Variants in DNAI4 observed in about 807,000 individuals in gnomAD.
DNAI4 encodes the protein dynein axonemal intermediate chain 4.
Under a neutral mutation model 105.8 loss-of-function variants are expected in DNAI4, and 85 were observed. That is an observed-to-expected ratio of 0.80 (90% confidence interval 0.67 to 0.96). The LOEUF is 0.96. Among genes scored for constraint, DNAI4 ranks in the 40% least tolerant of loss-of-function variants. The pLI is 0.00. For missense variants in DNAI4, 1,014 were observed against 1,005.6 expected, an observed-to-expected ratio of 1.01 and a Z score of -0.11; for synonymous variants, 352 against 331.5, an observed-to-expected ratio of 1.06 and a Z score of -0.67.
rs535328757 is a variant in DNAI4, at chr1:66,854,845, A to T, written c.1097-7167T>A. Among the ~76,000 whole-genome samples the T allele has an allele frequency of 2.0e-5, 3 of 152,292 alleles. No homozygotes were observed. The South Asian group carries it at 6.2e-4, about 32-fold the overall frequency. On this transcript the variant is annotated intron_variant, in intron 7 of 16. Coordinates refer to ENST00000371026, the MANE Select transcript of DNAI4 (RefSeq NM_024763.5). ...TAAAAATAAAAATTAAAAAAGTTCA[A>T]AGATCTAAATAAATGAGATCTAAAT...
At chr1:66,845,217 T>TAAAAAAAAAAA (rs869249698) in intron 8 of DNAI4, among the ~76,000 whole-genome samples, 2 of 38,100 alleles carry the variant, frequency 5.2e-5, no homozygotes, top group East Asian at 5.7e-4. Flanking sequence ...AAAGAAAAAT[T>TAAAAAAAAAAA]AAAAAAAAAA....
chr1:66,861,178 C>T (rs1646617733), intron 7 of DNAI4, among the ~76,000 whole-genome samples: 1 of 152,132 alleles, frequency 6.6e-6, no homozygotes, highest in African/African-American at 2.4e-5. Context: ...TCTCTTTAAA[C>T]TTGTTATTTC....
At chr1:66,922,374 T>C (rs1215111051) in intron 1 of DNAI4, among the ~76,000 whole-genome samples, 1 of 152,046 alleles carries the variant, frequency 6.6e-6, no homozygotes, top group African/African-American at 2.4e-5. Flanking sequence ...GGGGGCACAA[T>C]ATTCCAAAAA....
At chr1:66,855,038 C>T (rs998939369) in intron 7 of DNAI4, among the ~76,000 whole-genome samples, 2 of 152,164 alleles carry the variant, frequency 1.3e-5, no homozygotes, top group African/African-American at 4.8e-5. Flanking sequence ...CACCTGATAG[C>T]ATACCTTCCA....
intron 8 of DNAI4, among the ~76,000 whole-genome samples, chr1:66,845,389 T>A (rs1235502099): frequency 6.6e-6 from 1 of 152,134 alleles, no homozygotes; most frequent in Non-Finnish European, 1.5e-5. Flanking sequence ...GTGGAGCAAC[T>A]GAGACTCTTA....
chr1:66,845,839 C>CGTGTG (rs1646263530), intron 8 of DNAI4, among the ~76,000 whole-genome samples: 1 of 115,290 alleles, frequency 8.7e-6, no homozygotes, highest in East Asian at 2.9e-4. Flanking sequence ...CAGAGCAATG[C>CGTGTG]GTGTGTGTGT....
intron 1 of DNAI4, among the ~76,000 whole-genome samples, chr1:66,922,816 T>C (rs1186576466): frequency 2.0e-5 from 3 of 152,212 alleles, no homozygotes; most frequent in African/African-American, 7.2e-5. Flanking sequence ...AAATATTATA[T>C]ATTTGGTTTG....
At chr1:66,876,797 G>C (rs1053599359) in intron 4 of DNAI4, among the ~76,000 whole-genome samples, 1 of 151,550 alleles carries the variant, frequency 6.6e-6, no homozygotes, top group Admixed American at 6.6e-5. Flanking sequence ...TGCTCCTCTT[G>C]ACTGCCAATG....
intron 6 of DNAI4, among the ~76,000 whole-genome samples, chr1:66,869,116 A>AATATAT (rs150114253): frequency 8.2e-5 from 12 of 145,706 alleles, no homozygotes; most frequent in African/African-American, 2.6e-4. Flanking sequence ...CCTAGATATG[A>AATATAT]ATATATATAT....
intron 9 of DNAI4, among the ~76,000 whole-genome samples, chr1:66,838,758 T>TTG: frequency 6.6e-6 from 1 of 152,238 alleles, no homozygotes; most frequent in Non-Finnish European, 1.5e-5. Flanking sequence ...GACATTGACA[T>TTG]ATCCCTATTT....
At chr1:66,872,643 G>A (rs921719201) in intron 5 of DNAI4, among the ~76,000 whole-genome samples, 9 of 151,994 alleles carry the variant, frequency 5.9e-5, no homozygotes, top group Non-Finnish European at 1.0e-4. Flanking sequence ...TGTAGGTGAC[G>A]TGTTTTTAAA....
chr1:66,890,940 A>G lies in DNAI4; in HGVS notation c.643+214T>C. 1.8e-6 allele frequency: 1 copy of G among 567,530 alleles called. No homozygotes were observed. Among genetic ancestry groups the G allele is most frequent in the Non-Finnish European group, 3.1e-6 (1 of 318,894 alleles). The allele number at this position is 567,530 out of a possible 1,614,324, so 35.2% of individuals were successfully genotyped here. On this transcript the variant is annotated intron_variant, in intron 4 of 16. Coordinates refer to ENST00000371026, the MANE Select transcript of DNAI4 (RefSeq NM_024763.5). This position sits in a 1 kb window ranked among gnomAD's most constrained non-coding sequence, Gnocchi z 4.1. ...GAAGCAGCAGCTGAGCTCTAACACA[A>G]AGCGCCATTGGTTCCTCAGGCTGAT...
chr1:66,891,309 CT>C, intron 3 of DNAI4, 43 bp from the exon 4 acceptor site: 1 of 1,376,408 alleles, frequency 7.3e-7, no homozygotes. Context: ...TTTAGATGTC[CT>C]TATAGGAAAC....
At chr1:66,905,678 C>G (rs1649186300) in intron 1 of DNAI4, among the ~76,000 whole-genome samples, 1 of 152,104 alleles carries the variant, frequency 6.6e-6, no homozygotes, top group Non-Finnish European at 1.5e-5. Flanking sequence ...GCAGTCAGAT[C>G]CTAAGTCCAT....
intron 11 of DNAI4, 37 bp from the exon 12 acceptor site, chr1:66,834,185 TATA>T: frequency 6.6e-7 from 1 of 1,504,614 alleles, no homozygotes; most frequent in Non-Finnish European, 8.9e-7. Flanking sequence ...ATATAATCAT[TATA>T]ATAATTTCTT....
chr1:66,816,827 C>T (rs1645527912), intron 16 of DNAI4, among the ~76,000 whole-genome samples: 1 of 151,100 alleles, frequency 6.6e-6, no homozygotes. Flanking sequence ...GCTTGTAGAG[C>T]ATACTGTTCA....
chr1:66,834,195 T>G (rs751658013), intron 11 of DNAI4, 47 bp from the exon 12 acceptor site: 17 of 1,466,798 alleles, frequency 1.2e-5, no homozygotes, highest in African/African-American at 1.5e-5. Context: ...TATAATAATT[T>G]CTTAAAGGCC....
At chr1:66,840,319 G>C (rs1305031380) in intron 9 of DNAI4, 150 bp downstream of exon 9, 1 of 677,798 alleles carries the variant, frequency 1.5e-6, no homozygotes, top group Non-Finnish European at 2.5e-6. Flanking sequence ...TTTTAAACTG[G>C]AACTTGTTTT....
intron 3 of DNAI4, among the ~76,000 whole-genome samples, chr1:66,892,977 G>GAA (rs1306599136): frequency 1.6e-5 from 2 of 128,400 alleles, no homozygotes; most frequent in Non-Finnish European, 3.2e-5. Context: ...AAGAAAGAAA[G>GAA]AAAGAAAGAA....
Sources: gnomAD v4.1 joint callset for allele counts (sites outside exome capture counted in the v4.1 genomes callset) on GRCh38, gnomAD v4.1.1 for gene constraint, Gnocchi (gnomAD v3.1) non-coding constraint, MANE v1.5 for transcripts, NCBI Gene and HGNC (gene_info 2026-07-23, HGNC 2026-07-21) for gene names.